Variants in PDE4B observed in about 807,000 individuals in gnomAD.
The protein encoded by PDE4B is 3',5'-cyclic-AMP phosphodiesterase 4B.
In PDE4B, 20 loss-of-function variants were observed where a neutral mutation model predicts 82.2. The observed-to-expected ratio is 0.24, with a 90% CI of 0.17 to 0.35. The LOEUF (loss-of-function observed/expected upper bound fraction) is 0.35. Among genes scored for constraint, PDE4B ranks in the 10% least tolerant of loss-of-function variants. The pLI is 1.00. For missense variants in PDE4B, 655 were observed against 907.2 expected (o/e 0.72, Z 3.57); for synonymous variants, 320 against 318.9 (o/e 1.00, Z -0.04).
chr1:66,227,957 C>T (rs544014128), intron 3 of PDE4B, among the ~76,000 whole-genome samples: 48 of 152,218 alleles, frequency 3.2e-4, no homozygotes, highest in Non-Finnish European at 4.3e-4. Context: ...CTTTCTCACA[C>T]ATGCTTTATG....
intron 3 of PDE4B, among the ~76,000 whole-genome samples, chr1:66,077,198 T>C (rs982789143): frequency 6.6e-6 from 1 of 152,142 alleles, no homozygotes; most frequent in Non-Finnish European, 1.5e-5. Context: ...TATATGATGA[T>C]TGGTGGTGTT....
At chr1:66,103,013 T>C (rs1191427182) in intron 3 of PDE4B, among the ~76,000 whole-genome samples, 1 of 151,986 alleles carries the variant, frequency 6.6e-6, no homozygotes, top group Admixed American at 6.6e-5. Flanking sequence ...GAAAACAGTA[T>C]TTTTTTATAA....
chr1:66,309,332 G>A (rs1408801285), intron 7 of PDE4B, among the ~76,000 whole-genome samples: 1 of 152,112 alleles, frequency 6.6e-6, no homozygotes, highest in Non-Finnish European at 1.5e-5. Flanking sequence ...ATTGCAAATG[G>A]GTTTATAAAA....
chr1:66,174,755 GCAACAACAACAACAA>G (rs143629032), intron 3 of PDE4B, among the ~76,000 whole-genome samples: 10 of 149,084 alleles, frequency 6.7e-5, no homozygotes, highest in South Asian at 2.2e-4. Flanking sequence ...CTCAAAAAAA[GCAACAACAACAACAA>G]CAACAACAAC....
chr1:66,196,639 A>T (rs1225477887), intron 3 of PDE4B, among the ~76,000 whole-genome samples: 1 of 152,148 alleles, frequency 6.6e-6, no homozygotes, highest in Non-Finnish European at 1.5e-5. Context: ...ATAAAAAATG[A>T]TGAGTTCATG....
intron 3 of PDE4B, among the ~76,000 whole-genome samples, chr1:65,955,327 G>T (rs1649200620): frequency 6.6e-6 from 1 of 152,008 alleles, no homozygotes; most frequent in African/African-American, 2.4e-5. Flanking sequence ...CCTAGGGCGT[G>T]GACAGTTTAT....
At chr1:66,354,875 T>G in intron 8 of PDE4B, 1 of 1,535,768 alleles carries the variant, frequency 6.5e-7, no homozygotes, top group Non-Finnish European at 8.7e-7. Context: ...TTGTTATCTG[T>G]ATCTTGGGGT....
At chr1:65,969,737 G>A (rs1272502171) in intron 3 of PDE4B, among the ~76,000 whole-genome samples, 3 of 152,002 alleles carry the variant, frequency 2.0e-5, no homozygotes, top group Admixed American at 2.0e-4. Context: ...ATTCTCAAAA[G>A]CATTAAAAAA....
intron 1 of PDE4B, among the ~76,000 whole-genome samples, chr1:65,854,365 A>T (rs1646368310): frequency 6.6e-6 from 1 of 151,080 alleles, no homozygotes; most frequent in African/African-American, 2.4e-5. Context: ...TTGTGGACTC[A>T]TTTTCATTGA....
intron 7 of PDE4B, among the ~76,000 whole-genome samples, chr1:66,322,203 T>G (rs1389873542): frequency 3.9e-5 from 6 of 152,124 alleles, no homozygotes; most frequent in Non-Finnish European, 8.8e-5. Context: ...ATGTAAGATC[T>G]AACACCATAA....
At chr1:66,224,154 C>T (rs1651231504) in intron 3 of PDE4B, among the ~76,000 whole-genome samples, 1 of 145,104 alleles carries the variant, frequency 6.9e-6, no homozygotes, top group African/African-American at 2.5e-5. Context: ...TCCAGCGCAT[C>T]TCTTTCCACT....
At chr1:66,166,370 A>G (rs879829471) in intron 3 of PDE4B, among the ~76,000 whole-genome samples, 8 of 152,240 alleles carry the variant, frequency 5.3e-5, no homozygotes, top group African/African-American at 1.4e-4. Context: ...TACATAAATG[A>G]CAAAGAAAAA....
At chr1:66,130,227 T>C (rs1645912719) in intron 3 of PDE4B, among the ~76,000 whole-genome samples, 1 of 152,226 alleles carries the variant, frequency 6.6e-6, no homozygotes, top group African/African-American at 2.4e-5. Context: ...AAAGTTTAGC[T>C]TGGGCAATTT....
intron 1 of PDE4B, among the ~76,000 whole-genome samples, chr1:65,899,445 A>G (rs1027981429): frequency 1.3e-5 from 2 of 151,960 alleles, no homozygotes; most frequent in South Asian, 2.1e-4. Flanking sequence ...TAGAACTACT[A>G]TTTGCTCCAG....
At position 65,811,727 on chromosome 1, in the gene PDE4B, T is replaced by C. The variant is rs141757660; in HGVS notation, c.-71+18479T>C. Among the ~76,000 whole-genome samples the C allele has an allele frequency of 2.5e-4, 38 of 152,286 alleles. 1 individual carries two copies. The East Asian group carries it at 7.1e-3, about 29-fold the overall frequency. ...CAAGGTTACAAAGTTAAGTACATGA[T>C]AGCTACTAGTAATACAAATAATATT... is the stretch of plus-strand genomic sequence containing the variant. On this transcript the variant is annotated intron_variant, in intron 1 of 16. Coordinates refer to ENST00000341517, the MANE Select transcript of PDE4B (RefSeq NM_002600.4).
chr1:66,219,981 G>A (rs1202975688), intron 3 of PDE4B, among the ~76,000 whole-genome samples: 2 of 152,104 alleles, frequency 1.3e-5, no homozygotes, highest in Non-Finnish European at 2.9e-5. Flanking sequence ...TTTCTATAGT[G>A]ATTAGTATGA....
chr1:65,902,172 C>G (rs1296333262), intron 1 of PDE4B, among the ~76,000 whole-genome samples: 1 of 151,838 alleles, frequency 6.6e-6, no homozygotes, highest in Non-Finnish European at 1.5e-5. Flanking sequence ...TCTTGATTTT[C>G]TTGAACTTAT....
chr1:66,357,226 C>T (rs11208839), intron 9 of PDE4B, among the ~76,000 whole-genome samples: 4,632 of 152,144 alleles, frequency 0.03, 145 homozygotes, highest in South Asian at 0.085. Context: ...ATATGAAGTC[C>T]CTGAGCCCTT....
At chr1:66,272,030 G>T (rs1480196425) in intron 7 of PDE4B, among the ~76,000 whole-genome samples, 6 of 152,170 alleles carry the variant, frequency 3.9e-5, no homozygotes, top group Non-Finnish European at 8.8e-5. Flanking sequence ...AAGGGTGGAG[G>T]AGGAAGCTGG....
Sources: allele counts gnomAD v4.1 joint callset (sites outside exome capture counted in the v4.1 genomes callset), GRCh38; gene constraint gnomAD v4.1.1; transcripts MANE v1.5; gene names NCBI Gene and HGNC (gene_info 2026-07-23, HGNC 2026-07-21).